Variants in FAF1 observed in about 807,000 individuals in gnomAD.
FAF1 encodes the protein FAS-associated factor 1.
Under a neutral mutation model 92.5 loss-of-function variants are expected in FAF1, and 25 were observed. That is an observed-to-expected ratio of 0.27 (90% CI 0.20 to 0.38). The LOEUF is 0.38. FAF1 is among the 10% of genes least tolerant of loss of function. The pLI, the probability that FAF1 is intolerant of heterozygous loss-of-function variation, is 1.00. For missense variants in FAF1, 636 were observed against 793.3 expected (o/e 0.80, Z 2.38); for synonymous variants, 234 against 273.2 (o/e 0.86, Z 1.42).
intron 13 of FAF1, among the ~76,000 whole-genome samples, chr1:50,542,084 T>C (rs953089787): frequency 1.3e-5 from 2 of 152,170 alleles, no homozygotes; most frequent in Admixed American, 6.6e-5. Flanking sequence ...TTTTTGGAAG[T>C]AGTTGGGAGA....
At chr1:50,792,135 C>T (rs971816615) in intron 3 of FAF1, among the ~76,000 whole-genome samples, 2 of 152,030 alleles carry the variant, frequency 1.3e-5, no homozygotes, top group African/African-American at 4.8e-5. Context: ...ACCAAGGACT[C>T]GAGGATGGCT....
chr1:50,866,994 T>C (rs1444450290), intron 1 of FAF1, among the ~76,000 whole-genome samples: 2 of 152,112 alleles, frequency 1.3e-5, no homozygotes, highest in African/African-American at 4.8e-5. Flanking sequence ...AATAGGCATA[T>C]AGACCAATGC....
intron 2 of FAF1, among the ~76,000 whole-genome samples, chr1:50,819,679 GTA>G (rs1188082096): frequency 9.6e-5 from 8 of 83,260 alleles, no homozygotes; most frequent in South Asian, 6.9e-4. Flanking sequence ...CTCTCTCTCT[GTA>G]TATATATATA....
intron 8 of FAF1, among the ~76,000 whole-genome samples, chr1:50,654,996 G>T (rs1373196856): frequency 6.8e-6 from 1 of 147,824 alleles, no homozygotes; most frequent in Non-Finnish European, 1.5e-5. Flanking sequence ...TTGAGATGGA[G>T]TTTCGCTTTT....
Position 50,475,569 on chromosome 1 carries a change from C to T in FAF1, c.1764G>A (p.Arg588=), listed in dbSNP as rs372719986. The T allele has an allele frequency of 2.1e-4, 335 of 1,614,000 alleles. No individual in the cohort carries two copies. The highest frequency in any genetic ancestry group is 2.7e-4 in the Non-Finnish European group (321 of 1,180,004). ...IRTPSGEFLE[R]RFLASNKLQI... is the part of the protein sequence containing the mutation. ...GGAGCTTGTTGCTGGCCAGGAAACG[C>T]CGCTCCAAGAACTCGCCACTGGGGG... The change falls in exon 18 of 19, where the codon CGG becomes CGA. Residue 588 remains arginine (R), a synonymous_variant. Transcript: ENST00000396153.
intron 6 of FAF1, among the ~76,000 whole-genome samples, chr1:50,726,297 C>G (rs533677041): frequency 6.6e-6 from 1 of 151,972 alleles, no homozygotes; most frequent in Non-Finnish European, 1.5e-5. Flanking sequence ...GTAAGTCCAG[C>G]ACAAAAAGAT....
chr1:50,468,840 T>C (rs1646534023), intron 18 of FAF1, among the ~76,000 whole-genome samples: 1 of 151,978 alleles, frequency 6.6e-6, no homozygotes, highest in African/African-American at 2.4e-5. Flanking sequence ...AAGTGATCTG[T>C]CTGCCTCAGA....
intron 18 of FAF1, among the ~76,000 whole-genome samples, chr1:50,472,133 G>A (rs2148997055): frequency 6.6e-6 from 1 of 152,032 alleles, no homozygotes; most frequent in African/African-American, 2.4e-5. Flanking sequence ...TGGGGGAGCT[G>A]GCAGCAATCC....
In FAF1 at chr1:50,754,724, T is replaced by C. The variant is rs527678560; in HGVS notation, c.368-9949A>G. 2.6e-5 allele frequency among the ~76,000 whole-genome samples: 4 copies of C among 152,298 alleles called. No homozygotes were observed. The East Asian group carries it at 5.8e-4, about 22-fold the overall frequency. On this transcript the variant is annotated intron_variant, in intron 4 of 18. Transcript: ENST00000396153. Reference sequence around the variant, plus strand: ...TTCACACTGCTGATAAAGATATACCTGAGATTGGGCAATTTACAAAAGAAA... The same window carrying C: ...TTCACACTGCTGATAAAGATATACCCGAGATTGGGCAATTTACAAAAGAAA...
chr1:50,459,469 C>A (rs1281181311), intron 18 of FAF1, among the ~76,000 whole-genome samples: 1 of 152,140 alleles, frequency 6.6e-6, no homozygotes, highest in East Asian at 1.9e-4. Flanking sequence ...GAACCTGCCT[C>A]TCCATTTATC....
intron 14 of FAF1, among the ~76,000 whole-genome samples, chr1:50,538,635 G>A (rs541514014): frequency 1.8e-4 from 28 of 151,538 alleles, no homozygotes; most frequent in African/African-American, 6.3e-4. Flanking sequence ...CTAGTCTGAT[G>A]TCTACAAACC....
At chr1:50,513,886 T>C (rs1647170977) in intron 15 of FAF1, among the ~76,000 whole-genome samples, 1 of 152,216 alleles carries the variant, frequency 6.6e-6, no homozygotes, top group Admixed American at 6.5e-5. Context: ...ATACCTAATA[T>C]ACAGCTCTTT....
rs1295171476 is a variant in FAF1 at position 50,583,160 on chromosome 1, C to A, written c.1032-461G>T. On this transcript the variant is annotated intron_variant, in intron 11 of 18. Coordinates refer to ENST00000396153, the MANE Select transcript of FAF1 (RefSeq NM_007051.3). This position sits in a 1 kb window ranked among gnomAD's most constrained non-coding sequence, Gnocchi z 4.2. ...CCAAATTGAGGATTAAACATTAATT[C>A]TCTTTATATTTGAATACCTCAGCAG... Among the ~76,000 whole-genome samples the A allele has an allele frequency of 6.6e-6, 1 of 151,640 alleles. No homozygotes were observed. Among genetic ancestry groups the A allele is most frequent in the Non-Finnish European group, 1.5e-5 (1 of 67,816 alleles).
At chr1:50,444,199 T>C (rs1646202092) in intron 18 of FAF1, among the ~76,000 whole-genome samples, 1 of 152,136 alleles carries the variant, frequency 6.6e-6, no homozygotes, top group African/African-American at 2.4e-5. Flanking sequence ...CCCAGCAAGA[T>C]GGTGGCCATG....
At chr1:50,859,293 C>T (rs1163523558) in intron 1 of FAF1, among the ~76,000 whole-genome samples, 1 of 151,634 alleles carries the variant, frequency 6.6e-6, no homozygotes, top group Non-Finnish European at 1.5e-5. Context: ...AAATAAAAGG[C>T]ATCTAAATAG....
chr1:50,829,272 G>A (rs965602344), intron 2 of FAF1, among the ~76,000 whole-genome samples: 6 of 152,118 alleles, frequency 3.9e-5, no homozygotes, highest in South Asian at 2.1e-4. Context: ...TTCCTGTGAG[G>A]AGCTGTATTT....
chr1:50,637,187 G>A (rs1654057032), intron 8 of FAF1, among the ~76,000 whole-genome samples: 1 of 148,830 alleles, frequency 6.7e-6, no homozygotes, highest in African/African-American at 2.5e-5. Context: ...TGTAATCCCA[G>A]CACCTTGGGA....
chr1:50,493,923 A>G (rs1418228787), intron 15 of FAF1, among the ~76,000 whole-genome samples: 1 of 152,220 alleles, frequency 6.6e-6, no homozygotes, highest in Admixed American at 6.5e-5. Flanking sequence ...GATCACAAAT[A>G]CAGTTTATAA....
chr1:50,871,744 G>A (rs1445230687), intron 1 of FAF1, among the ~76,000 whole-genome samples: 1 of 152,150 alleles, frequency 6.6e-6, no homozygotes, highest in South Asian at 2.1e-4. Flanking sequence ...GATCAAAGTT[G>A]TTTTTCTGGC....
Sources: gnomAD v4.1 joint callset for allele counts (sites outside exome capture counted in the v4.1 genomes callset) on GRCh38, gnomAD v4.1.1 for gene constraint, Gnocchi (gnomAD v3.1) non-coding constraint, MANE v1.5 for transcripts, NCBI Gene and HGNC (gene_info 2026-07-23, HGNC 2026-07-21) for gene names.